ADGRL3: variants seen among roughly 807,000 people sequenced by gnomAD.
ADGRL3 encodes the protein calcium-independent alpha-latrotoxin receptor 3.
A neutral mutation model predicts 153.5 loss-of-function variants in ADGRL3; 62 were observed. The observed-to-expected ratio is 0.40, with a 90% CI of 0.33 to 0.50. The LOEUF (loss-of-function observed/expected upper bound fraction) is 0.50. Among genes scored for constraint, ADGRL3 ranks in the 20% least tolerant of loss-of-function variants. The pLI, the probability that ADGRL3 is intolerant of heterozygous loss-of-function variation, is 0.47. For synonymous variants in ADGRL3, 710 were observed against 672.5 expected, an observed-to-expected ratio of 1.06 and a Z score of -0.86; for missense variants, 1,641 against 1,859.4, an observed-to-expected ratio of 0.88 and a Z score of 2.16.
At chr4:61,835,286 A>G (rs571592780) in intron 9 of ADGRL3, among the ~76,000 whole-genome samples, 1 of 144,132 alleles carries the variant, frequency 6.9e-6, no homozygotes, top group African/African-American at 2.6e-5. Context: ...GGCTACCACT[A>G]CCAGAAGTTA....
At chr4:61,501,880 C>A (rs2098390577) in intron 3 of ADGRL3, among the ~76,000 whole-genome samples, 1 of 152,126 alleles carries the variant, frequency 6.6e-6, no homozygotes, top group South Asian at 2.1e-4. Flanking sequence ...CTATGTTTAT[C>A]TGTCCATATT....
chr4:61,453,682 C>T (rs10001827), intron 2 of ADGRL3, among the ~76,000 whole-genome samples: 35,117 of 151,932 alleles, frequency 0.23, 4,155 homozygotes, highest in South Asian at 0.29. Flanking sequence ...AATCCATGTT[C>T]GTTCCTACCT....
chr4:61,997,667 C>G (rs993463946), intron 20 of ADGRL3, among the ~76,000 whole-genome samples: 15 of 151,934 alleles, frequency 9.9e-5, no homozygotes, highest in African/African-American at 1.7e-4. Flanking sequence ...TGGGGGTTTC[C>G]TTTACTTTAG....
At chr4:61,832,466 G>A (rs2097883121) in intron 9 of ADGRL3, among the ~76,000 whole-genome samples, 1 of 152,144 alleles carries the variant, frequency 6.6e-6, no homozygotes. Flanking sequence ...TTAGAAAGAA[G>A]CTTTCTTAGT....
chr4:61,859,746 G>A (rs1021359291), intron 9 of ADGRL3, among the ~76,000 whole-genome samples: 1 of 152,126 alleles, frequency 6.6e-6, no homozygotes, highest in Admixed American at 6.6e-5. Context: ...ATGTGTCTGC[G>A]ATAATGATCT....
chr4:61,869,641 G>A (rs1256080495), intron 9 of ADGRL3, among the ~76,000 whole-genome samples: 3 of 151,762 alleles, frequency 2.0e-5, no homozygotes, highest in Non-Finnish European at 2.9e-5. Flanking sequence ...AAATGAGACT[G>A]GGCGTGGTGG....
chr4:61,409,134 G>A (rs767030371), intron 2 of ADGRL3, among the ~76,000 whole-genome samples: 13 of 146,614 alleles, frequency 8.9e-5, no homozygotes, highest in Non-Finnish European at 1.8e-4. Context: ...TATGCTTTGA[G>A]GACAAGAAAG....
intron 2 of ADGRL3, among the ~76,000 whole-genome samples, chr4:61,439,451 G>A (rs1448160235): frequency 6.6e-6 from 1 of 152,138 alleles, no homozygotes; most frequent in Non-Finnish European, 1.5e-5. Flanking sequence ...ATGTTGTATT[G>A]TCTGATGTTT....
chr4:61,976,436 G>T (rs912471127), intron 17 of ADGRL3, among the ~76,000 whole-genome samples: 7 of 152,214 alleles, frequency 4.6e-5, no homozygotes, highest in African/African-American at 1.7e-4. Flanking sequence ...ATATGGTTTG[G>T]CTGTGTCCTA....
At chr4:61,755,381 A>AT (rs1352129147) in intron 8 of ADGRL3, among the ~76,000 whole-genome samples, 3 of 152,048 alleles carry the variant, frequency 2.0e-5, no homozygotes, top group Non-Finnish European at 2.9e-5. Context: ...GATGATGAGC[A>AT]TTTTTTCATG....
chr4:61,836,688 T>A (rs2148937158), intron 9 of ADGRL3, among the ~76,000 whole-genome samples: 1 of 152,268 alleles, frequency 6.6e-6, no homozygotes, highest in African/African-American at 2.4e-5. Flanking sequence ...TATTAACATT[T>A]CGTTTTAAAA....
intron 17 of ADGRL3, among the ~76,000 whole-genome samples, chr4:61,949,439 T>C (rs2098938497): frequency 6.6e-6 from 1 of 152,198 alleles, no homozygotes; most frequent in African/African-American, 2.4e-5. Context: ...GGCTCATGCC[T>C]GTAATCCCAG....
At chr4:61,429,786 T>C (rs2097333186) in intron 2 of ADGRL3, among the ~76,000 whole-genome samples, 2 of 152,110 alleles carry the variant, frequency 1.3e-5, no homozygotes, top group Non-Finnish European at 2.9e-5. Flanking sequence ...ATAGTCATGT[T>C]AATTAGGAAG....
At chr4:61,798,999 G>GTGTATATATA (rs1554034587) in intron 8 of ADGRL3, among the ~76,000 whole-genome samples, 1 of 80,748 alleles carries the variant, frequency 1.2e-5, no homozygotes, top group South Asian at 4.6e-4. Context: ...TATATAAACA[G>GTGTATATATA]TATATATATA....
chr4:62,063,103 A>AT (rs1479829885), intron 25 of ADGRL3, among the ~76,000 whole-genome samples: 6 of 150,914 alleles, frequency 4.0e-5, no homozygotes, highest in Non-Finnish European at 7.4e-5. Context: ...GTTTTGTTTA[A>AT]TTTTTGCTTT....
At chr4:61,916,724 G>A (rs964655275) in intron 13 of ADGRL3, among the ~76,000 whole-genome samples, 9 of 152,192 alleles carry the variant, frequency 5.9e-5, no homozygotes, top group Middle Eastern at 3.4e-3. Flanking sequence ...AGGCCAAGGT[G>A]GGCAGATCAC....
At chr4:61,654,295 T>C (rs1375537682) in intron 5 of ADGRL3, among the ~76,000 whole-genome samples, 1 of 152,092 alleles carries the variant, frequency 6.6e-6, no homozygotes, top group Non-Finnish European at 1.5e-5. Context: ...TTTTGAATTT[T>C]TTCTTAACAT....
intron 21 of ADGRL3, among the ~76,000 whole-genome samples, chr4:62,006,378 G>A (rs544172738): frequency 6.6e-6 from 1 of 151,854 alleles, no homozygotes; most frequent in African/African-American, 2.4e-5. Context: ...CAGGGTTTTT[G>A]GCTTGGGGTA....
intron 21 of ADGRL3, among the ~76,000 whole-genome samples, chr4:62,009,119 A>G (rs1395646554): frequency 6.6e-6 from 1 of 152,178 alleles, no homozygotes; most frequent in Non-Finnish European, 1.5e-5. Context: ...CTCAGAATAT[A>G]TTCCCATCAT....
Sources: gnomAD v4.1 joint callset for allele counts (sites outside exome capture counted in the v4.1 genomes callset) on GRCh38, gnomAD v4.1.1 for gene constraint, MANE v1.5 for transcripts, NCBI Gene and HGNC (gene_info 2026-07-23, HGNC 2026-07-21) for gene names.